PTPRF: variants seen among roughly 807,000 people sequenced by gnomAD.
PTPRF encodes the protein protein tyrosine phosphatase receptor type F, also known as receptor-type tyrosine-protein phosphatase F.
PTPRF carries 59 observed loss-of-function variants against 201.8 expected under a neutral mutation model. That is an observed-to-expected ratio of 0.29 (90% CI 0.24 to 0.36). The LOEUF (loss-of-function observed/expected upper bound fraction) is 0.36. Ranked by LOEUF, PTPRF falls within the 10% of genes least tolerant of loss-of-function variation. The probability of loss-of-function intolerance (pLI) is 1.00; values close to 1 mark genes in which losing one functional copy is unlikely to be tolerated. For synonymous variants in PTPRF, 1,088 were observed against 1,089.7 expected, an observed-to-expected ratio of 1.00 and a Z score of 0.03; for missense variants, 2,132 against 2,690.5, an observed-to-expected ratio of 0.79 and a Z score of 4.59.
In PTPRF at chr1:43,539,991, T is replaced by C. The variant is rs142250544; in HGVS notation, c.-46+1714T>C. Among the ~76,000 whole-genome samples, 8 of 152,264 alleles carry C rather than the reference T, an allele frequency of 5.3e-5. No homozygotes were observed. In the East Asian group the frequency reaches 7.7e-4, roughly 15 times the overall value. On this transcript the variant is annotated intron_variant, in intron 2 of 33. Coordinates refer to ENST00000359947, the MANE Select transcript of PTPRF (RefSeq NM_002840.5). ...CAAGGCCCAGGGTGCCCACAGGGGA[T>C]TGGGTTCTGGGGCAGGGGCCAGGTC...
chr1:43,584,506 C>T (rs1648609292), intron 7 of PTPRF, among the ~76,000 whole-genome samples: 1 of 152,210 alleles, frequency 6.6e-6, no homozygotes, highest in East Asian at 1.9e-4. Flanking sequence ...TGGCTCCTTC[C>T]ATGCCCCTTC....
upstream of PTPRF, among the ~76,000 whole-genome samples, chr1:43,522,645 A>G (rs1010758655): frequency 1.3e-5 from 2 of 152,266 alleles, no homozygotes; most frequent in African/African-American, 4.8e-5. Flanking sequence ...GCCCCAAGGC[A>G]GTGATGCTTG....
chr1:43,600,411 T>G (rs1653464838), intron 13 of PTPRF, among the ~76,000 whole-genome samples: 1 of 151,970 alleles, frequency 6.6e-6, no homozygotes, highest in Admixed American at 6.6e-5. Context: ...ATGGGGGCGG[T>G]AACTCGAGTC....
Position 43,619,549 on chromosome 1 carries a change from G to A in PTPRF, c.4908G>A (p.Val1636=). 6.2e-7 allele frequency: 1 copy of A among 1,612,978 alleles called. No homozygotes were observed. Among genetic ancestry groups the A allele is most frequent in the Non-Finnish European group, 8.5e-7 (1 of 1,179,096 alleles). The change falls in exon 28 of 34, where the codon GTG becomes GTA. Residue 1636 remains valine (V), a synonymous_variant. Transcript: ENST00000359947. ...KLGQVPPGES[V]TAMELEFKLL... The stretch of plus-strand genomic sequence containing the variant: ...GCCAAGTGCCTCCAGGGGAGAGTGT[G>A]ACCGCCATGGAGCTCGAGTTCAAGG...
At chr1:43,530,299 A>T (rs926393114), upstream of PTPRF, among the ~76,000 whole-genome samples, 6 of 152,054 alleles carry the variant, frequency 3.9e-5, no homozygotes, top group African/African-American at 7.2e-5. This position sits in a 1 kb window ranked among gnomAD's most constrained non-coding sequence, Gnocchi z 4.1. Flanking sequence ...TGGGGTCCAT[A>T]GCAAGGTAGC....
chr1:43,533,863 A>AC (rs1227940683), intron 1 of PTPRF, among the ~76,000 whole-genome samples: 1 of 152,108 alleles, frequency 6.6e-6, no homozygotes. Flanking sequence ...TGTGTGCCAG[A>AC]CCCCGGGGTA....
upstream of PTPRF, among the ~76,000 whole-genome samples, chr1:43,529,206 C>A (rs1643250221): frequency 6.6e-6 from 1 of 152,174 alleles, no homozygotes; most frequent in Non-Finnish European, 1.5e-5. Context: ...TGGTGAAAAA[C>A]CACTCACTGG....
At chr1:43,598,626 G>A (rs1298729624) in intron 12 of PTPRF, 94 bp from the exon 13 acceptor site, 3 of 1,143,546 alleles carry the variant, frequency 2.6e-6, no homozygotes, top group Non-Finnish European at 3.8e-6. Context: ...CTGGGGGAGT[G>A]GGGTGCTGAG....
chr1:43,549,343 G>A (rs1644877427), intron 3 of PTPRF, among the ~76,000 whole-genome samples: 1 of 152,204 alleles, frequency 6.6e-6, no homozygotes, highest in Admixed American at 6.5e-5. Context: ...GTGCTGGGAT[G>A]GGAAGCTCTG....
rs757545227 is a variant in PTPRF at position 43,553,975 on chromosome 1, C to T, written c.379+34C>T. The T allele has an allele frequency of 6.2e-7, 1 of 1,609,884 alleles. No individual in the cohort carries two copies. Among genetic ancestry groups the T allele is most frequent in the Non-Finnish European group, 8.5e-7 (1 of 1,177,086 alleles). ...TAGGGAGACGTGGCACGGTGGGCTG[C>T]CGGGCTGAGGCGTGGGAAGAGCCAG... On this transcript the variant is annotated intron_variant, in intron 5 of 33. Coordinates refer to ENST00000359947, the MANE Select transcript of PTPRF (RefSeq NM_002840.5). This position sits in a 1 kb window ranked among gnomAD's most constrained non-coding sequence, Gnocchi z 4.1.
chr1:43,575,977 TCACC>T, intron 6 of PTPRF: 1 of 1,357,032 alleles, frequency 7.4e-7, no homozygotes, highest in Non-Finnish European at 9.8e-7. Context: ...GCCACTGCCG[TCACC>T]TCCACTCCAT....
At chr1:43,573,679 C>T (rs1367242537) in intron 6 of PTPRF, among the ~76,000 whole-genome samples, 1 of 152,264 alleles carries the variant, frequency 6.6e-6, no homozygotes, top group African/African-American at 2.4e-5. Flanking sequence ...GACACGAATA[C>T]ACCCCTAAGG....
Position 43,530,905 on chromosome 1 carries a change from G to A in PTPRF, c.-311G>A, listed in dbSNP as rs1178085309. ...AGCGGCGGGAGCGGTGGCGGCGGCA[G>A]AGGCGGCGGCTCCAGCTTCGGCTCC... On this transcript the variant is annotated 5_prime_UTR_variant, in exon 1 of 34. Coordinates refer to ENST00000359947, the MANE Select transcript of PTPRF (RefSeq NM_002840.5). The surrounding 1 kb of genome is among the most constrained non-coding windows in gnomAD (Gnocchi z 4.1). The A allele has an allele frequency of 5.9e-5, 9 of 153,366 alleles. No homozygotes were observed. The South Asian group carries it at 1.1e-3, about 18-fold the overall frequency. The allele number at this position is 153,366 out of a possible 1,614,324, so 9.5% of individuals were successfully genotyped here.
intron 23 of PTPRF, among the ~76,000 whole-genome samples, chr1:43,616,324 C>T (rs192768889): frequency 2.0e-5 from 3 of 151,490 alleles, no homozygotes; most frequent in Admixed American, 6.6e-5. Flanking sequence ...ACTAACGCTT[C>T]GCTATTATCA....
chr1:43,572,887 C>T (rs1446919909), intron 6 of PTPRF, among the ~76,000 whole-genome samples: 1 of 152,062 alleles, frequency 6.6e-6, no homozygotes, highest in Non-Finnish European at 1.5e-5. Context: ...CAATAGCAAA[C>T]CTGGGGACCT....
At chr1:43,551,181 C>T (rs947398399) in intron 3 of PTPRF, among the ~76,000 whole-genome samples, 3 of 152,094 alleles carry the variant, frequency 2.0e-5, no homozygotes, top group African/African-American at 7.2e-5. Context: ...CAGTGGAGTG[C>T]CAGTCAAGGG....
In PTPRF at chr1:43,620,570, G is replaced by A. The variant is rs753739798; in HGVS notation, c.5355G>A (p.Thr1785=). 1.9e-5 allele frequency: 31 copies of A among 1,613,706 alleles called. No homozygotes were observed. Among genetic ancestry groups the A allele is most frequent in the African/African-American group, 6.7e-5 (5 of 74,924 alleles). Reference sequence around the variant, plus strand: ...ATATCCTGCGTGAGTTCAAGGTCACGGATGCCCGGGTGAGTGAGTGCATTG... The same window carrying A: ...ATATCCTGCGTGAGTTCAAGGTCACAGATGCCCGGGTGAGTGAGTGCATTG... ...PQYILREFKV[T]DARDGQSRTI... is the part of the protein sequence containing the mutation. The change falls in exon 31 of 34, where the codon ACG becomes ACA. Residue 1785 remains threonine, a synonymous_variant. Coordinates refer to ENST00000359947, the MANE Select transcript of PTPRF (RefSeq NM_002840.5).
In PTPRF at chr1:43,546,292, A is replaced by G. The variant is rs575862584; in HGVS notation, c.91+1126A>G. ...GGTCCTGGGTGGAGCTAGAAGGGAA[A>G]GGAGAAGGGGCAGGCATTCCCAAGG... is the stretch of plus-strand genomic sequence containing the variant. On this transcript the variant is annotated intron_variant, in intron 3 of 33. Transcript: ENST00000359947. This position sits in a 1 kb window ranked among gnomAD's most constrained non-coding sequence, Gnocchi z 4.2. 1.3e-5 allele frequency among the ~76,000 whole-genome samples: 2 copies of G among 152,254 alleles called. No individual in the cohort carries two copies. Among genetic ancestry groups the G allele is most frequent in the African/African-American group, 4.8e-5 (2 of 41,536 alleles).
intron 25 of PTPRF, 21 bp from the exon 26 acceptor site, chr1:43,618,609 G>A (rs1232668196): frequency 1.3e-6 from 2 of 1,587,874 alleles, no homozygotes; most frequent in Middle Eastern, 1.7e-4. Context: ...CCTTCAGCCT[G>A]CCCTGCTCAT....
Sources: gnomAD v4.1 joint callset for allele counts (sites outside exome capture counted in the v4.1 genomes callset) on GRCh38, gnomAD v4.1.1 for gene constraint, Gnocchi (gnomAD v3.1) non-coding constraint, MANE v1.5 for transcripts, NCBI Gene and HGNC (gene_info 2026-07-23, HGNC 2026-07-21) for gene names.